APAF1: variants seen among roughly 807,000 people sequenced by gnomAD.
The protein encoded by APAF1 is apoptotic protease-activating factor 1.
Under a neutral mutation model 152.4 loss-of-function variants are expected in APAF1, and 91 were observed. The observed-to-expected ratio is 0.60, with a 90% CI of 0.50 to 0.71. The LOEUF (loss-of-function observed/expected upper bound fraction) is 0.71. APAF1 is among the 30% of genes least tolerant of loss of function. APAF1 has a pLI of 0.00. For synonymous variants in APAF1, 484 were observed against 494.1 expected (o/e 0.98, Z 0.27); for missense variants, 1,283 against 1,472.0 (o/e 0.87, Z 2.10).
chr12:98,662,858 C>T (rs1382635870), intron 7 of APAF1, 52 bp downstream of exon 7: 1 of 1,559,962 alleles, frequency 6.4e-7, no homozygotes, highest in South Asian at 1.2e-5. Flanking sequence ...ATATAATTTC[C>T]CTTTTGTTAA....
intron 22 of APAF1, among the ~76,000 whole-genome samples, chr12:98,721,818 G>A (rs1222847279): frequency 1.3e-5 from 2 of 152,128 alleles, no homozygotes; most frequent in Non-Finnish European, 2.9e-5. Context: ...AAAAAAAGGG[G>A]AATAAGAGAT....
intron 16 of APAF1, among the ~76,000 whole-genome samples, chr12:98,693,711 A>G (rs1336340117): frequency 1.3e-5 from 2 of 151,802 alleles, no homozygotes; most frequent in African/African-American, 2.4e-5. Context: ...CCCAGAGTCC[A>G]GCTGCCATCC....
intron 21 of APAF1, among the ~76,000 whole-genome samples, chr12:98,714,823 A>G (rs1264594623): frequency 6.9e-6 from 1 of 144,042 alleles, no homozygotes; most frequent in Non-Finnish European, 1.5e-5. Flanking sequence ...GTATGAGTTC[A>G]TTTGAAAGCC....
intron 16 of APAF1, among the ~76,000 whole-genome samples, chr12:98,688,647 T>G (rs1023316515): frequency 1.3e-5 from 2 of 150,360 alleles, no homozygotes; most frequent in Non-Finnish European, 3.0e-5. Flanking sequence ...AATTTTTTTT[T>G]TTTTTTTTTT....
intron 19 of APAF1, among the ~76,000 whole-genome samples, chr12:98,707,578 T>A (rs1387530672): frequency 6.6e-6 from 1 of 151,982 alleles, no homozygotes; most frequent in Non-Finnish European, 1.5e-5. Flanking sequence ...CATTATAAGC[T>A]CTTTGAGGCC....
At chr12:98,723,461 T>A in intron 23 of APAF1, 149 bp downstream of exon 23, 1 of 1,031,516 alleles carries the variant, frequency 9.7e-7, no homozygotes, top group East Asian at 2.5e-5. Flanking sequence ...TGCAGTCACC[T>A]ACATCTGCTG....
At position 98,703,468 on chromosome 12, in the gene APAF1, C is replaced by A; in HGVS notation, c.2564C>A (p.Ala855Glu). The change falls in exon 18 of 27, where the codon GCA becomes GAA. Residue 855 changes from alanine (A) to glutamate (E), a missense_variant. Transcript: ENST00000551964. ...GACTTCTCCCCACAAAACCATTTGGCAGTGGTTGCTTTGTCCCAGTACTGT... is the reference window on the plus strand; with the variant it reads ...GACTTCTCCCCACAAAACCATTTGGAAGTGGTTGCTTTGTCCCAGTACTGT... ...YCDFSPQNHL[A>E]VVALSQYCVE... 1.2e-6 allele frequency: 2 copies of A among 1,614,158 alleles called. No individual in the cohort carries two copies. The highest frequency in any genetic ancestry group is 1.7e-6 in the Non-Finnish European group (2 of 1,180,014).
At chr12:98,663,110 C>G (rs1267701359) in intron 7 of APAF1, among the ~76,000 whole-genome samples, 2 of 152,112 alleles carry the variant, frequency 1.3e-5, no homozygotes, top group Non-Finnish European at 2.9e-5. Flanking sequence ...GATTTTAAAA[C>G]TTGTTTTTGC....
chr12:98,704,947 T>G (rs139660301), intron 18 of APAF1, among the ~76,000 whole-genome samples: 1 of 150,832 alleles, frequency 6.6e-6, no homozygotes, highest in African/African-American at 2.5e-5. Context: ...GCCCGGCTAA[T>G]TTTTTTTTGT....
chr12:98,686,568 C>T (rs1447724945), intron 15 of APAF1, among the ~76,000 whole-genome samples, 180 bp from the exon 16 acceptor site: 1 of 152,156 alleles, frequency 6.6e-6, no homozygotes, highest in Non-Finnish European at 1.5e-5. Context: ...CTAAAGGCTG[C>T]CCCATTGCTT....
chr12:98,646,525 T>G (rs934952110), intron 1 of APAF1, among the ~76,000 whole-genome samples: 3 of 152,204 alleles, frequency 2.0e-5, no homozygotes, highest in Non-Finnish European at 4.4e-5. Context: ...TGTGCTCTGT[T>G]TTTGCACTTC....
chr12:98,654,643 G>A (rs1014303516), intron 4 of APAF1, among the ~76,000 whole-genome samples: 2 of 151,968 alleles, frequency 1.3e-5, no homozygotes, highest in Non-Finnish European at 2.9e-5. Context: ...CCTGACCCAA[G>A]TGATCCCCTC....
At chr12:98,713,334 A>C (rs768991777) in intron 21 of APAF1, among the ~76,000 whole-genome samples, 2 of 152,154 alleles carry the variant, frequency 1.3e-5, no homozygotes, top group Non-Finnish European at 2.9e-5. Context: ...TTCGCTAACT[A>C]TGCAAAGAGC....
intron 12 of APAF1, 41 bp from the exon 13 acceptor site, chr12:98,677,384 C>T: frequency 3.1e-6 from 5 of 1,599,652 alleles, no homozygotes; most frequent in Non-Finnish European, 4.3e-6. Context: ...TACTTTTACT[C>T]TCATTTATTT....
In APAF1 at chr12:98,703,442, T is replaced by C. The variant is rs756914447; in HGVS notation, c.2538T>C (p.Cys846=). 1 of 1,614,196 alleles carries C rather than the reference T, an allele frequency of 6.2e-7. No individual in the cohort carries two copies. Among genetic ancestry groups the C allele is most frequent in the Non-Finnish European group, 8.5e-7 (1 of 1,180,022 alleles). ...HTGHHSTIQY[C]DFSPQNHLAV... ...GCCATCACAGCACCATCCAGTACTG[T>C]GACTTCTCCCCACAAAACCATTTGG... The change falls in exon 18 of 27, where the codon TGT becomes TGC. Residue 846 remains cysteine (C), a synonymous_variant. Coordinates refer to ENST00000551964, the MANE Select transcript of APAF1 (RefSeq NM_181861.2).
In APAF1 at chr12:98,662,486, C is replaced by T. The variant is rs1348916842; in HGVS notation, c.741C>T (p.Asp247=). The part of the protein sequence containing the change: ...RSLLILDDVW[D]SWVLKAFDSQ... ...TCTTGATCTTGGATGATGTTTGGGA[C>T]TCTTGGGTGTTGAAAGCTTTTGACA... is the stretch of plus-strand genomic sequence containing the variant. Residue 247 remains aspartate, a synonymous_variant, in exon 6 of 27, where the codon GAC becomes GAT. Transcript: ENST00000551964. The T allele has an allele frequency of 1.9e-6, 3 of 1,613,324 alleles. No individual in the cohort carries two copies. The African/African-American group carries it at 4.0e-5, about 22-fold the overall frequency.
chr12:98,664,532 G>C (rs1254670835), intron 7 of APAF1, among the ~76,000 whole-genome samples: 1 of 151,250 alleles, frequency 6.6e-6, no homozygotes, highest in East Asian at 2.0e-4. Context: ...TGTGGTTTTG[G>C]ATTTTGCCCT....
intron 26 of APAF1, among the ~76,000 whole-genome samples, chr12:98,729,363 C>G (rs571398131): frequency 1.2e-4 from 19 of 152,296 alleles, no homozygotes; most frequent in African/African-American, 4.3e-4. Context: ...CACCTCAGAT[C>G]ATCAGCATTA....
At position 98,729,837 on chromosome 12, in the gene APAF1, G is replaced by A. The variant is rs576034246; in HGVS notation, c.3600+2521G>A. On this transcript the variant is annotated intron_variant, in intron 26 of 26. Coordinates refer to ENST00000551964, the MANE Select transcript of APAF1 (RefSeq NM_181861.2). ...AGCTTATAAAAAAGATAAATTAGAG[G>A]ACAGTTTTTAGCTTTATGAAAGGAT... Among the ~76,000 whole-genome samples the A allele has an allele frequency of 1.6e-3, 243 of 152,260 alleles. 1 individual carries two copies. Among genetic ancestry groups the A allele is most frequent in the Non-Finnish European group, 2.9e-3 (200 of 68,022 alleles).
Sources: allele counts gnomAD v4.1 joint callset (sites outside exome capture counted in the v4.1 genomes callset), GRCh38; gene constraint gnomAD v4.1.1; transcripts MANE v1.5; gene names NCBI Gene and HGNC (gene_info 2026-07-23, HGNC 2026-07-21).